SRSF10: variants seen among roughly 807,000 people sequenced by gnomAD.
SRSF10 encodes the protein serine/arginine-rich splicing factor 10.
Under a neutral mutation model 32.6 loss-of-function variants are expected in SRSF10, and 9 were observed. The ratio of observed to expected loss-of-function variants is 0.28; its 90% CI spans 0.17 to 0.48. SRSF10 has a LOEUF of 0.48. Ranked by LOEUF, SRSF10 falls within the 20% of genes least tolerant of loss-of-function variation. The pLI is 0.99. For missense variants in SRSF10, 201 were observed against 331.8 expected (o/e 0.61, Z 3.06); for synonymous variants, 105 against 112.4 (o/e 0.93, Z 0.42).
rs1641670499 is a variant in SRSF10, at chr1:23,970,337, A to G, written c.*805T>C. The G allele has an allele frequency of 1.0e-6, 1 of 981,366 alleles. No individual in the cohort carries two copies. The highest frequency in any genetic ancestry group is 1.2e-6 in the Non-Finnish European group (1 of 828,482). 60.8% of individuals were successfully genotyped at this position (981,366 alleles called of 1,614,324 possible). On this transcript the variant is annotated 3_prime_UTR_variant, in exon 6 of 6. Coordinates refer to ENST00000492112, the MANE Select transcript of SRSF10 (RefSeq NM_054016.4). ...AGAACTAATCCACACTGCATCAAAA[A>G]TAATTATCATTGGCCTAGACATCCG...
rs1216507549 is a variant in SRSF10 at position 23,975,050 on chromosome 1, G to A, written c.198C>T (p.Asp66=). Residue 66 remains aspartate (D), a synonymous_variant, in exon 3 of 6, where the codon GAC becomes GAT. Coordinates refer to ENST00000492112, the MANE Select transcript of SRSF10 (RefSeq NM_054016.4). ...ACTTTCTGTCCAAATTATGTAAAGC[G>A]TCTTCAGCATCACGAACATCCTCAA... ...VQFEDVRDAE[D]ALHNLDRKWI... 62 of 1,613,950 alleles carry A rather than the reference G, an allele frequency of 3.8e-5. No homozygotes were observed. The highest frequency in any genetic ancestry group is 2.2e-4 in the Admixed American group (13 of 60,018).
chr1:23,979,413 G>T (rs1642311265), intron 1 of SRSF10, among the ~76,000 whole-genome samples: 1 of 152,256 alleles, frequency 6.6e-6, no homozygotes, highest in Middle Eastern at 3.4e-3. Context: ...TCTGTGTGTA[G>T]ATTCATTATT....
In SRSF10 at chr1:23,969,718, G is replaced by T; in HGVS notation, c.*1424C>A. On this transcript the variant is annotated 3_prime_UTR_variant, in exon 6 of 6. Transcript: ENST00000492112. ...AAAACGATCTTTCAGAGAAATACTA[G>T]AAATTATAAATGGTTTAAGGGTATT... 3.0e-6 allele frequency: 3 copies of T among 985,348 alleles called. No individual in the cohort carries two copies. Among genetic ancestry groups the T allele is most frequent in the Non-Finnish European group, 3.6e-6 (3 of 829,878 alleles). The allele number at this position is 985,348 out of a possible 1,614,324, so 61.0% of individuals were successfully genotyped here. A position where few individuals can be genotyped will look rare whatever the true frequency, so the allele number is the denominator to read the frequency against.
At chr1:23,974,239 A>G (rs1048269053) in intron 3 of SRSF10, among the ~76,000 whole-genome samples, 1 of 152,136 alleles carries the variant, frequency 6.6e-6, no homozygotes, top group Non-Finnish European at 1.5e-5. Flanking sequence ...TGCTGGGATT[A>G]CAGGTGTGAG....
intron 3 of SRSF10, 125 bp from the exon 4 acceptor site, chr1:23,972,137 G>T: frequency 2.5e-6 from 2 of 791,624 alleles, no homozygotes; most frequent in Non-Finnish European, 1.8e-6. Flanking sequence ...TGACCCGGGT[G>T]GTGGCTCACA....
intron 1 of SRSF10, among the ~76,000 whole-genome samples, 198 bp downstream of exon 1, chr1:23,979,993 G>T (rs989537379): frequency 6.6e-6 from 1 of 152,202 alleles, no homozygotes; most frequent in African/African-American, 2.4e-5. Flanking sequence ...CACGCGGCCC[G>T]GCGAAGGCAG....
At chr1:23,971,793 T>A in intron 4 of SRSF10, 57 bp downstream of exon 4, 1 of 1,547,898 alleles carries the variant, frequency 6.5e-7, no homozygotes, top group Non-Finnish European at 8.7e-7. Context: ...TAAAAAAAAA[T>A]TAAATGCTAA....
chr1:23,970,091 C>T lies in SRSF10; in HGVS notation c.*1051G>A, dbSNP rs1641653581. On this transcript the variant is annotated 3_prime_UTR_variant, in exon 6 of 6. Coordinates refer to ENST00000492112, the MANE Select transcript of SRSF10 (RefSeq NM_054016.4). ...GAAAACTAAGCAATATTATGGTCAA[C>T]AACGCTCCTTAAACTTTAGAATAAC... The T allele has an allele frequency of 1.0e-6, 1 of 985,406 alleles. No homozygotes were observed. The highest frequency in any genetic ancestry group is 1.7e-5 in the African/African-American group (1 of 57,352). The allele number at this position is 985,406 out of a possible 1,614,324, so 61.0% of individuals were successfully genotyped here.
In SRSF10 at chr1:23,965,570, T is replaced by C. The variant is rs1641411684; in HGVS notation, c.*5572A>G. On this transcript the variant is annotated 3_prime_UTR_variant, in exon 6 of 6. Transcript: ENST00000492112. ...ATAATACCCATTTCCCAGGAGTGTTTTTAGGATTAAATAGAAATATTTGAA... is the reference window on the plus strand; with the variant it reads ...ATAATACCCATTTCCCAGGAGTGTTCTTAGGATTAAATAGAAATATTTGAA... 1.3e-5 allele frequency: 2 copies of C among 151,994 alleles called. No individual in the cohort carries two copies. Among genetic ancestry groups the C allele is most frequent in the African/African-American group, 4.8e-5 (2 of 41,442 alleles). 9.4% of individuals were successfully genotyped at this position (151,994 alleles called of 1,614,324 possible).
chr1:23,973,992 ATTT>A (rs141826891), intron 3 of SRSF10, among the ~76,000 whole-genome samples: 40 of 134,162 alleles, frequency 3.0e-4, no homozygotes, highest in East Asian at 4.3e-4. Context: ...CTCAGCAGCT[ATTT>A]TTTTTTTTTT....
Position 23,971,956 on chromosome 1 carries a change from C to A in SRSF10, c.331G>T (p.Asp111Tyr), listed in dbSNP as rs1318741921. 1.3e-6 allele frequency: 2 copies of A among 1,587,398 alleles called. No homozygotes were observed. Among genetic ancestry groups the A allele is most frequent in the Non-Finnish European group, 8.5e-7 (1 of 1,171,254 alleles). ...GRNVYSSSRY[D>Y]DYDRYRRSRS... ...GAACGTCTGTATCTGTCATAATCATCATAGCGTGAAGAACTGTACACATTC... is the reference window on the plus strand; with the variant it reads ...GAACGTCTGTATCTGTCATAATCATAATAGCGTGAAGAACTGTACACATTC... Residue 111 changes from aspartate to tyrosine, a missense_variant, in exon 4 of 6, where the codon GAT becomes TAT. Asp to Tyr is a radical substitution (Grantham distance 160). Transcript: ENST00000492112.
chr1:23,974,182 G>A (rs1418140937), intron 3 of SRSF10, among the ~76,000 whole-genome samples: 23 of 151,940 alleles, frequency 1.5e-4, no homozygotes, highest in Admixed American at 1.2e-3. Context: ...TAGTATAGAC[G>A]GGGTTTTACC....
rs2148490937 is a variant in SRSF10 at position 23,965,509 on chromosome 1, T to C, written c.*5633A>G. On this transcript the variant is annotated 3_prime_UTR_variant, in exon 6 of 6. Transcript: ENST00000492112. Reference sequence around the variant, plus strand: ...CAAGAAGCTATCACATGATGGGTATTCTACAAAGGACAATTTTCTCATCTG... The same window carrying C: ...CAAGAAGCTATCACATGATGGGTATCCTACAAAGGACAATTTTCTCATCTG... The C allele has an allele frequency of 6.6e-6, 1 of 152,116 alleles. No homozygotes were observed. Among genetic ancestry groups the C allele is most frequent in the Non-Finnish European group, 1.5e-5 (1 of 67,860 alleles). 9.4% of individuals were successfully genotyped at this position (152,116 alleles called of 1,614,324 possible).
intron 2 of SRSF10, chr1:23,976,484 T>C (rs1188413887): frequency 6.6e-6 from 1 of 152,196 alleles, no homozygotes; most frequent in Non-Finnish European, 1.5e-5. Context: ...TAACTGAACA[T>C]CCCTCAAGGT....
chr1:23,971,203 G>A lies in SRSF10; in HGVS notation c.728C>T (p.Ser243Phe). ...PRSKSQSRSQ[S>F]RSRSKSRSRS... is the part of the protein sequence containing the mutation. ...TGATCTAGATTTTGACCTAGACCTA[G>A]ACTGTGATCTTGACTGAGATTTGGA... Residue 243 changes from serine to phenylalanine, a missense_variant, in exon 6 of 6, where the codon TCT becomes TTT. Ser to Phe is a radical substitution (Grantham distance 155). Coordinates refer to ENST00000492112, the MANE Select transcript of SRSF10 (RefSeq NM_054016.4). 1.2e-6 allele frequency: 2 copies of A among 1,614,140 alleles called. No individual in the cohort carries two copies. Among genetic ancestry groups the A allele is most frequent in the Non-Finnish European group, 1.7e-6 (2 of 1,180,018 alleles).
chr1:23,978,973 C>G (rs534254774), intron 1 of SRSF10, 156 bp from the exon 2 acceptor site: 82 of 382,940 alleles, frequency 2.1e-4, no homozygotes, highest in African/African-American at 1.6e-3. Context: ...ATGTATGGTA[C>G]AAGGGAATGA....
intron 5 of SRSF10, 51 bp from the exon 6 acceptor site, chr1:23,971,490 T>G: frequency 6.3e-7 from 1 of 1,584,988 alleles, no homozygotes; most frequent in Non-Finnish European, 8.6e-7. Context: ...GATTCTATAT[T>G]AATCAAATTT....
At chr1:23,976,220 G>A (rs1439214735) in intron 2 of SRSF10, 1 of 151,848 alleles carries the variant, frequency 6.6e-6, no homozygotes, top group Non-Finnish European at 1.5e-5. Flanking sequence ...TTAGAGAGGT[G>A]ATTTAAAATA....
At chr1:23,974,657 C>T (rs1170849704) in intron 3 of SRSF10, among the ~76,000 whole-genome samples, 1 of 151,984 alleles carries the variant, frequency 6.6e-6, no homozygotes, top group African/African-American at 2.4e-5. Flanking sequence ...GGTGAAACTC[C>T]GTCTCTACTA....
Sources: allele counts gnomAD v4.1 joint callset (sites outside exome capture counted in the v4.1 genomes callset), GRCh38; gene constraint gnomAD v4.1.1; transcripts MANE v1.5; gene names NCBI Gene and HGNC (gene_info 2026-07-23, HGNC 2026-07-21).